Variants in BTBD1 observed in about 807,000 individuals in gnomAD.
The protein encoded by BTBD1 is BTB/POZ domain-containing protein 1.
In BTBD1, 34 loss-of-function variants were observed where a neutral mutation model predicts 48.0. The ratio of observed to expected loss-of-function variants is 0.71; its 90% CI spans 0.54 to 0.94. The LOEUF (loss-of-function observed/expected upper bound fraction) is 0.94. BTBD1 is among the 40% of genes least tolerant of loss of function. BTBD1 has a pLI of 0.00. For missense variants in BTBD1, 543 were observed against 625.6 expected (o/e 0.87, Z 1.41); for synonymous variants, 261 against 242.1 (o/e 1.08, Z -0.72).
chr15:83,055,985 G>T (rs1427743582), intron 2 of BTBD1, among the ~76,000 whole-genome samples: 2 of 151,896 alleles, frequency 1.3e-5, no homozygotes, highest in Non-Finnish European at 2.9e-5. Context: ...GTCTCCCAGG[G>T]TGTCTGCCCC....
intron 7 of BTBD1, 57 bp downstream of exon 7, chr15:83,018,650 C>T: frequency 1.3e-6 from 2 of 1,579,988 alleles, no homozygotes; most frequent in Non-Finnish European, 1.7e-6. Flanking sequence ...GCTTCTAAAA[C>T]ACACATTCTG....
At position 83,018,708 on chromosome 15, in the gene BTBD1, T is replaced by G; in HGVS notation, c.1289A>C (p.Lys430Thr). The change falls in exon 7 of 8, where the codon AAA (lysine) becomes ACA (threonine). Residue 430 changes from lysine (K) to threonine (T), a missense_variant and splice_region_variant. Lys to Thr is a moderately conservative substitution (Grantham distance 78). Around this residue, in one of 3 missense-constraint regions of BTBD1, gnomAD observed 300 missense variants for 350.0 expected, o/e 0.86. Coordinates refer to ENST00000261721, the MANE Select transcript of BTBD1 (RefSeq NM_025238.4). The part of the protein sequence containing the change: ...NVCYTACATL[K>T]GPDSHYGTKG... ...TGGAACATAGTGCATGACTCTTACT[T>G]TGAGTGTTGCACATGCTGTGTAGCA... is the stretch of plus-strand genomic sequence containing the variant. 1 of 1,613,574 alleles carries G rather than the reference T, an allele frequency of 6.2e-7. No individual in the cohort carries two copies. The highest frequency in any genetic ancestry group is 1.3e-5 in the African/African-American group (1 of 75,024).
At chr15:83,042,348 T>TTATATATATATATATATATG (rs2032777958) in intron 3 of BTBD1, among the ~76,000 whole-genome samples, 1 of 109,896 alleles carries the variant, frequency 9.1e-6, no homozygotes, top group African/African-American at 3.7e-5. Context: ...TTAGGCAATT[T>TTATATATATATATATATATG]TATATATATA....
intron 4 of BTBD1, among the ~76,000 whole-genome samples, chr15:83,032,977 A>AAAAAAAAAAAAAAAAAAAC (rs752456266): frequency 6.7e-5 from 10 of 149,426 alleles, no homozygotes; most frequent in Non-Finnish European, 1.3e-4. Flanking sequence ...CTCAAAAAAA[A>AAAAAAAAAAAAAAAAAAAC]AAAAAAAAAA....
intron 1 of BTBD1, 36 bp from the exon 2 acceptor site, chr15:83,056,581 G>T: frequency 1.3e-6 from 2 of 1,576,942 alleles, no homozygotes; most frequent in Non-Finnish European, 1.7e-6. Context: ...GAGATGGTCA[G>T]TAATGTTTTA....
At chr15:83,029,139 C>A (rs1596426565) in intron 5 of BTBD1, among the ~76,000 whole-genome samples, 1 of 152,138 alleles carries the variant, frequency 6.6e-6, no homozygotes, top group East Asian at 1.9e-4. Context: ...ATTAAATAGT[C>A]TACAAGTACA....
At chr15:83,050,222 T>C (rs1188940469) in intron 2 of BTBD1, 44 bp from the exon 3 acceptor site, 19 of 1,289,338 alleles carry the variant, frequency 1.5e-5, no homozygotes, top group Non-Finnish European at 2.1e-5. Context: ...ATAGTTATTT[T>C]ACCTTCAGAC....
Position 83,020,721 on chromosome 15 carries a change from A to G in BTBD1, c.1097T>C (p.Leu366Ser), listed in dbSNP as rs1186956494. The change falls in exon 6 of 8, where the codon TTG (leucine) becomes TCG (serine). Residue 366 changes from leucine (L) to serine (S), a missense_variant. By Grantham distance (145) the Leu-to-Ser change is moderately radical. Around this residue, in one of 3 missense-constraint regions of BTBD1, gnomAD observed 300 missense variants for 350.0 expected, o/e 0.86. Coordinates refer to ENST00000261721, the MANE Select transcript of BTBD1 (RefSeq NM_025238.4). ...NRRISIVGFGLYGSIHGPTDY... is the reference protein window; with the variant it reads ...NRRISIVGFGSYGSIHGPTDY... ...TGTAGGGCCATGAATAGATCCATAC[A>G]AGCCAAATCCAACTATAGAGATCCT... The G allele has an allele frequency of 2.5e-6, 4 of 1,609,444 alleles. No homozygotes were observed. Among genetic ancestry groups the G allele is most frequent in the Non-Finnish European group, 3.4e-6 (4 of 1,176,128 alleles).
chr15:83,040,326 A>C (rs2032725860), intron 4 of BTBD1, among the ~76,000 whole-genome samples: 1 of 152,236 alleles, frequency 6.6e-6, no homozygotes, highest in East Asian at 1.9e-4. Flanking sequence ...ACTGTACCTC[A>C]AACTTCAGCA....
rs1567101407 is a variant in BTBD1 at position 83,021,764 on chromosome 15, A to ATCATC, written c.1056-1003_1056-1002insGATGA. ...CTCAAATAATAATAATAATAATAAT[A>ATCATC]ATAATACATATGGAACTAAAAGCCT... On this transcript the variant is annotated intron_variant, in intron 5 of 7. Transcript: ENST00000261721. Among the ~76,000 whole-genome samples, 288 of 151,016 alleles carry ATCATC rather than the reference A, an allele frequency of 1.9e-3. 1 individual carries two copies. Among genetic ancestry groups the ATCATC allele is most frequent in the African/African-American group, 6.3e-3 (259 of 41,182 alleles).
intron 4 of BTBD1, among the ~76,000 whole-genome samples, chr15:83,040,355 A>C (rs1051455803): frequency 1.3e-5 from 2 of 152,184 alleles, no homozygotes; most frequent in Non-Finnish European, 2.9e-5. Context: ...TATACACATG[A>C]AACAAATCTG....
chr15:83,020,157 G>C (rs528389109), intron 6 of BTBD1: 11 of 152,798 alleles, frequency 7.2e-5, no homozygotes, highest in African/African-American at 2.7e-4. Flanking sequence ...TGTGGTCCTA[G>C]CTACTTGGGA....
chr15:83,056,567 T>C lies in BTBD1; in HGVS notation c.402-22A>G, dbSNP rs745938292. On this transcript the variant is annotated intron_variant, in intron 1 of 7. Coordinates refer to ENST00000261721, the MANE Select transcript of BTBD1 (RefSeq NM_025238.4). ...AAATCTGGAAAACAATTGGCATATT[T>C]GCAGAGATGGTCAGTAATGTTTTAG... The C allele has an allele frequency of 3.7e-6, 6 of 1,606,126 alleles. No homozygotes were observed. The South Asian group carries it at 6.6e-5, about 18-fold the overall frequency.
intron 1 of BTBD1, among the ~76,000 whole-genome samples, chr15:83,063,506 A>T (rs539242656): frequency 1.3e-5 from 2 of 152,254 alleles, no homozygotes; most frequent in African/African-American, 4.8e-5. Context: ...TCTTGCCTGG[A>T]CTACTGCAAA....
chr15:83,020,461 T>C, intron 6 of BTBD1: 1 of 455,486 alleles, frequency 2.2e-6, no homozygotes, highest in Non-Finnish European at 3.8e-6. Context: ...AAGAGCTCCT[T>C]ATATGCTACT....
At chr15:83,063,384 G>C (rs899673831) in intron 1 of BTBD1, among the ~76,000 whole-genome samples, 1 of 152,048 alleles carries the variant, frequency 6.6e-6, no homozygotes, top group Non-Finnish European at 1.5e-5. Context: ...GACACTACTT[G>C]GATGTCTTGG....
At position 83,018,726 on chromosome 15, in the gene BTBD1, G is replaced by A. The variant is rs1350378847; in HGVS notation, c.1271C>T (p.Thr424Ile). The part of the protein sequence containing the change: ...PIEILPNVCY[T>I]ACATLKGPDS... ...TCTTACTTTGAGTGTTGCACATGCTGTGTAGCACACATTGGGCAGGATCTC... is the reference window on the plus strand; with the variant it reads ...TCTTACTTTGAGTGTTGCACATGCTATGTAGCACACATTGGGCAGGATCTC... The change falls in exon 7 of 8, where the codon ACA becomes ATA. Residue 424 changes from threonine to isoleucine, a missense_variant. Physicochemically the swap from Thr to Ile is moderately conservative, Grantham distance 89. This residue lies in a region of BTBD1 where 300 missense variants were observed against 350.0 expected (regional missense o/e 0.86). Transcript: ENST00000261721. 1 of 1,614,110 alleles carries A rather than the reference G, an allele frequency of 6.2e-7. No homozygotes were observed. Among genetic ancestry groups the A allele is most frequent in the East Asian group, 2.2e-5 (1 of 44,884 alleles).
chr15:83,062,927 CCTACT>C, intron 1 of BTBD1, among the ~76,000 whole-genome samples: 1 of 152,142 alleles, frequency 6.6e-6, no homozygotes, highest in East Asian at 1.9e-4. Context: ...TTCTGCCTAA[CCTACT>C]CTAATCAGCT....
intron 3 of BTBD1, among the ~76,000 whole-genome samples, chr15:83,046,071 T>A (rs1161969318): frequency 6.6e-6 from 1 of 152,112 alleles, no homozygotes; most frequent in Non-Finnish European, 1.5e-5. Flanking sequence ...AAGCCAGCCC[T>A]TTCTTTCAGC....
Sources: allele counts gnomAD v4.1 joint callset (sites outside exome capture counted in the v4.1 genomes callset), GRCh38; gene constraint gnomAD v4.1.1; regional missense constraint gnomAD v4.1.1; transcripts MANE v1.5; gene names NCBI Gene and HGNC (gene_info 2026-07-23, HGNC 2026-07-21).